Variants in PPP2R5E observed in about 807,000 individuals in gnomAD.
PPP2R5E encodes the protein serine/threonine-protein phosphatase 2A 56 kDa regulatory subunit epsilon isoform.
In PPP2R5E, 4 loss-of-function variants were observed where a neutral mutation model predicts 65.3. That is an observed-to-expected ratio of 0.06 (90% CI 0.03 to 0.14). PPP2R5E has a LOEUF of 0.14. PPP2R5E is among the 10% of genes least tolerant of loss of function. The probability of loss-of-function intolerance (pLI) is 1.00; values close to 1 mark genes in which losing one functional copy is unlikely to be tolerated. For missense variants in PPP2R5E, 274 were observed against 556.1 expected, an observed-to-expected ratio of 0.49 and a Z score of 5.10; for synonymous variants, 183 against 187.4, an observed-to-expected ratio of 0.98 and a Z score of 0.19.
At chr14:63,526,838 G>A (rs1893202844) in intron 2 of PPP2R5E, among the ~76,000 whole-genome samples, 1 of 152,186 alleles carries the variant, frequency 6.6e-6, no homozygotes, top group Admixed American at 6.5e-5. Flanking sequence ...TAGGATTACA[G>A]GTGTGAGCTA....
intron 3 of PPP2R5E, among the ~76,000 whole-genome samples, chr14:63,446,500 A>G (rs1888482311): frequency 6.6e-6 from 1 of 152,290 alleles, no homozygotes; most frequent in South Asian, 2.1e-4. Flanking sequence ...TCCTTGACCC[A>G]TGAGCTGAAG....
chr14:63,492,040 C>T (rs4902232), intron 2 of PPP2R5E, among the ~76,000 whole-genome samples: 49,539 of 151,780 alleles, frequency 0.33, 10,747 homozygotes, highest in African/African-American at 0.62. Flanking sequence ...AAACTTTCCA[C>T]TCCCTAGGCC....
intron 2 of PPP2R5E, chr14:63,508,136 C>A: frequency 2.8e-5 from 28 of 985,416 alleles, no homozygotes; most frequent in Non-Finnish European, 3.4e-5. Flanking sequence ...CGAGTGTTCT[C>A]TTCCAGCCCC....
chr14:63,497,592 A>C (rs1891635038), intron 2 of PPP2R5E, among the ~76,000 whole-genome samples: 1 of 151,078 alleles, frequency 6.6e-6, no homozygotes, highest in Non-Finnish European at 1.5e-5. Context: ...TACAAAAAAC[A>C]CAAAAATTAG....
At chr14:63,439,665 C>T (rs1400053691) in intron 3 of PPP2R5E, among the ~76,000 whole-genome samples, 3 of 152,182 alleles carry the variant, frequency 2.0e-5, no homozygotes, top group East Asian at 3.9e-4. Context: ...TGAGCCACCG[C>T]GCCCAGCCGG....
rs752188856 is a variant in PPP2R5E at position 63,382,171 on chromosome 14, A to G, written c.1203-14T>C. On this transcript the variant is annotated splice_polypyrimidine_tract_variant and intron_variant, in intron 12 of 13. Coordinates refer to ENST00000337537, the MANE Select transcript of PPP2R5E (RefSeq NM_006246.5). ...GCCACAATAGCCCTGGAAAGCACAG[A>G]AAAAAAGGAGTGTGTTAGTTAGTCT... 4 of 1,597,438 alleles carry G rather than the reference A, an allele frequency of 2.5e-6. No homozygotes were observed. Among genetic ancestry groups the G allele is most frequent in the Admixed American group, 1.7e-5 (1 of 59,388 alleles).
At chr14:63,468,913 CCCA>C (rs1889973345) in intron 2 of PPP2R5E, among the ~76,000 whole-genome samples, 2 of 152,056 alleles carry the variant, frequency 1.3e-5, no homozygotes, top group Non-Finnish European at 2.9e-5. Context: ...CTTTCTTTTC[CCCA>C]CACACTCTGT....
intron 3 of PPP2R5E, among the ~76,000 whole-genome samples, chr14:63,431,692 T>C (rs983281875): frequency 1.3e-5 from 2 of 152,220 alleles, no homozygotes; most frequent in African/African-American, 2.4e-5. Flanking sequence ...ACAGGGTGCA[T>C]TGTTTACATG....
intron 2 of PPP2R5E, among the ~76,000 whole-genome samples, chr14:63,457,553 G>A (rs977941584): frequency 1.3e-5 from 2 of 152,132 alleles, no homozygotes; most frequent in African/African-American, 4.8e-5. Context: ...ATGTGAATTA[G>A]GAAAATTAAA....
At chr14:63,442,646 T>A (rs1341251246) in intron 3 of PPP2R5E, among the ~76,000 whole-genome samples, 1 of 152,210 alleles carries the variant, frequency 6.6e-6, no homozygotes, top group Non-Finnish European at 1.5e-5. Flanking sequence ...TATATTGTTA[T>A]AGCTATTCTA....
intron 3 of PPP2R5E, among the ~76,000 whole-genome samples, chr14:63,427,000 G>C (rs982358319): frequency 6.6e-6 from 1 of 152,192 alleles, no homozygotes; most frequent in Non-Finnish European, 1.5e-5. Flanking sequence ...TCTAAAAATG[G>C]TTAAAAACCA....
intron 2 of PPP2R5E, among the ~76,000 whole-genome samples, chr14:63,469,825 TCCTGCC>T (rs1890028003): frequency 6.6e-6 from 1 of 152,166 alleles, no homozygotes; most frequent in South Asian, 2.1e-4. Context: ...CTTACAAAAT[TCCTGCC>T]TAATACATGT....
At chr14:63,440,830 T>G (rs1471979398) in intron 3 of PPP2R5E, among the ~76,000 whole-genome samples, 1 of 149,340 alleles carries the variant, frequency 6.7e-6, no homozygotes, top group African/African-American at 2.5e-5. Context: ...GCACCTGTAG[T>G]CCCAGCTACT....
At chr14:63,398,231 T>C (rs1471737676) in intron 5 of PPP2R5E, among the ~76,000 whole-genome samples, 1 of 152,024 alleles carries the variant, frequency 6.6e-6, no homozygotes, top group African/African-American at 2.4e-5. Context: ...TGTTTTTGTA[T>C]CATTGACAAG....
chr14:63,420,692 G>C (rs964678577), intron 4 of PPP2R5E, among the ~76,000 whole-genome samples: 2 of 152,118 alleles, frequency 1.3e-5, no homozygotes, highest in Admixed American at 6.5e-5. Flanking sequence ...TCTGAAGTAG[G>C]GGGGAAAAAC....
chr14:63,382,759 T>C (rs1480526813), intron 12 of PPP2R5E, among the ~76,000 whole-genome samples: 10 of 152,190 alleles, frequency 6.6e-5, no homozygotes, highest in Admixed American at 6.5e-4. Context: ...GATAATTTCA[T>C]TTAATAAAAA....
chr14:63,470,821 G>A (rs1460922031), intron 2 of PPP2R5E, among the ~76,000 whole-genome samples: 5 of 141,606 alleles, frequency 3.5e-5, no homozygotes, highest in Admixed American at 7.1e-5. Context: ...AAAGACCTCC[G>A]TCTCTACAAA....
chr14:63,384,658 C>T, intron 11 of PPP2R5E, 87 bp from the exon 12 acceptor site: 2 of 1,126,842 alleles, frequency 1.8e-6, no homozygotes, highest in South Asian at 3.1e-5. Context: ...AAAAGTATTT[C>T]AAAAGGCTAT....
chr14:63,473,091 G>A (rs1236681780), intron 2 of PPP2R5E, among the ~76,000 whole-genome samples: 1 of 152,194 alleles, frequency 6.6e-6, no homozygotes, highest in Non-Finnish European at 1.5e-5. Flanking sequence ...AGATATAACA[G>A]AAAGGAAAGA....
Sources: allele counts gnomAD v4.1 joint callset (sites outside exome capture counted in the v4.1 genomes callset), GRCh38; gene constraint gnomAD v4.1.1; transcripts MANE v1.5; gene names NCBI Gene and HGNC (gene_info 2026-07-23, HGNC 2026-07-21).